CTNNA2: variants seen among roughly 807,000 people sequenced by gnomAD.
The protein encoded by CTNNA2 is catenin alpha-2.
CTNNA2 carries 42 observed loss-of-function variants against 101.0 expected under a neutral mutation model. The observed-to-expected ratio is 0.42, with a 90% CI of 0.32 to 0.54. The LOEUF (loss-of-function observed/expected upper bound fraction) is 0.54. CTNNA2 is among the 20% of genes least tolerant of loss of function. The pLI is 0.14. For synonymous variants in CTNNA2, 450 were observed against 456.4 expected, an observed-to-expected ratio of 0.99 and a Z score of 0.18; for missense variants, 871 against 1,223.1, an observed-to-expected ratio of 0.71 and a Z score of 4.29.
chr2:79,574,997 G>C (rs780581289), intron 1 of CTNNA2, among the ~76,000 whole-genome samples: 8 of 152,072 alleles, frequency 5.3e-5, no homozygotes, highest in Non-Finnish European at 1.0e-4. Context: ...ATGCTTGTTG[G>C]TTTCGTGTAT....
At chr2:79,306,045 C>CAAAAAAAA (rs60219150) in intron 2 of CTNNA2, among the ~76,000 whole-genome samples, 10 of 80,122 alleles carry the variant, frequency 1.2e-4, no homozygotes, top group African/African-American at 3.0e-4. Context: ...GACACCATTT[C>CAAAAAAAA]AAAAAAAAAA....
intron 1 of CTNNA2, among the ~76,000 whole-genome samples, chr2:79,604,797 A>T (rs968100728): frequency 2.0e-5 from 3 of 152,218 alleles, no homozygotes; most frequent in Non-Finnish European, 4.4e-5. Flanking sequence ...AGTACTGGGA[A>T]ATGATTAGCC....
chr2:79,998,294 A>T (rs1406563126), intron 7 of CTNNA2, among the ~76,000 whole-genome samples: 1 of 152,182 alleles, frequency 6.6e-6, no homozygotes, highest in African/African-American at 2.4e-5. Context: ...GTAGGGAATG[A>T]GATTTACAGT....
At chr2:79,689,341 T>C (rs933305679) in intron 2 of CTNNA2, among the ~76,000 whole-genome samples, 2 of 152,012 alleles carry the variant, frequency 1.3e-5, no homozygotes, top group Middle Eastern at 3.4e-3. Flanking sequence ...GAAAATAGAA[T>C]CTGTCACAAG....
chr2:80,609,236 C>G (rs765059012), intron 17 of CTNNA2, among the ~76,000 whole-genome samples: 3 of 151,830 alleles, frequency 2.0e-5, no homozygotes, highest in Non-Finnish European at 4.4e-5. Context: ...AGTCACAAAG[C>G]TCAGGTCTTC....
At chr2:79,728,177 A>G (rs1686977683) in intron 2 of CTNNA2, among the ~76,000 whole-genome samples, 1 of 152,164 alleles carries the variant, frequency 6.6e-6, no homozygotes, top group African/African-American at 2.4e-5. Context: ...TGGTTGAACT[A>G]GTTTACAGTC....
At chr2:80,398,233 AC>A (rs927197343) in intron 8 of CTNNA2, among the ~76,000 whole-genome samples, 20 of 152,212 alleles carry the variant, frequency 1.3e-4, no homozygotes, top group African/African-American at 4.8e-4. Flanking sequence ...TGTTTTTCTC[AC>A]ATCTGCTCAT....
intron 7 of CTNNA2, among the ~76,000 whole-genome samples, chr2:80,059,908 T>C (rs1480656715): frequency 6.6e-6 from 1 of 152,238 alleles, no homozygotes; most frequent in Non-Finnish European, 1.5e-5. Context: ...CCCACCATGA[T>C]TGATTCCTAC....
intron 7 of CTNNA2, among the ~76,000 whole-genome samples, chr2:79,942,249 A>G (rs112833862): frequency 9.1e-4 from 138 of 152,250 alleles, no homozygotes; most frequent in Middle Eastern, 3.4e-3. Flanking sequence ...CTGACTCTAG[A>G]TGGCTGGACA....
At chr2:80,197,970 C>G (rs1049593933) in intron 7 of CTNNA2, among the ~76,000 whole-genome samples, 1 of 152,186 alleles carries the variant, frequency 6.6e-6, no homozygotes, top group Non-Finnish European at 1.5e-5. Flanking sequence ...CCCACTTCCC[C>G]ATGTATCCTA....
chr2:80,209,956 A>G (rs1707782492), intron 7 of CTNNA2, among the ~76,000 whole-genome samples: 1 of 152,236 alleles, frequency 6.6e-6, no homozygotes. Context: ...ATCTTCAGTA[A>G]TCCTATTTCC....
intron 7 of CTNNA2, among the ~76,000 whole-genome samples, chr2:80,094,345 G>A (rs1242205240): frequency 6.6e-6 from 1 of 152,070 alleles, no homozygotes; most frequent in Non-Finnish European, 1.5e-5. Context: ...TGAGGGCTCT[G>A]TTCTGTTCCA....
intron 4 of CTNNA2, among the ~76,000 whole-genome samples, chr2:79,477,214 A>G (rs897991081): frequency 1.5e-5 from 2 of 137,720 alleles, no homozygotes; most frequent in African/African-American, 5.5e-5. Flanking sequence ...TCTGTTGCCC[A>G]GGCTGGAGTA....
intron 7 of CTNNA2, among the ~76,000 whole-genome samples, chr2:80,331,697 A>G (rs1671346956): frequency 6.6e-6 from 1 of 152,152 alleles, no homozygotes. Flanking sequence ...AGCAAAAACC[A>G]AAAGGGCAGG....
rs1232043798 is a variant in CTNNA2, at chr2:79,825,663, A to G, written c.299-32350A>G. 5.3e-5 allele frequency among the ~76,000 whole-genome samples: 8 copies of G among 152,270 alleles called. No homozygotes were observed. The South Asian group carries it at 1.2e-3, about 24-fold the overall frequency. Reference sequence around the variant, plus strand: ...AATATACAAAATAATGGGAAATACAAATTTGGAATTCAGAGGCAAGGTAAG... The same window carrying G: ...AATATACAAAATAATGGGAAATACAGATTTGGAATTCAGAGGCAAGGTAAG... On this transcript the variant is annotated intron_variant, in intron 3 of 18. Transcript: ENST00000402739.
At chr2:79,202,524 C>T (rs903908907) in intron 2 of CTNNA2, among the ~76,000 whole-genome samples, 1 of 151,954 alleles carries the variant, frequency 6.6e-6, no homozygotes, top group Non-Finnish European at 1.5e-5. Context: ...AGAAAGATTG[C>T]GTGAATGCAC....
chr2:80,287,184 C>T (rs1674841871), intron 7 of CTNNA2, among the ~76,000 whole-genome samples: 1 of 151,974 alleles, frequency 6.6e-6, no homozygotes, highest in Admixed American at 6.6e-5. Context: ...GATATTGTGT[C>T]ATCATGAAAA....
chr2:80,218,328 G>A (rs1036935615), intron 7 of CTNNA2, among the ~76,000 whole-genome samples: 4 of 152,228 alleles, frequency 2.6e-5, no homozygotes, highest in African/African-American at 9.6e-5. Context: ...AATCAACAAG[G>A]TGACAGCTCT....
At chr2:80,317,865 A>G (rs1678279984) in intron 7 of CTNNA2, among the ~76,000 whole-genome samples, 2 of 152,178 alleles carry the variant, frequency 1.3e-5, no homozygotes, top group South Asian at 4.1e-4. Flanking sequence ...GTGTCCAGAT[A>G]CATCACCTGC....
Sources: allele counts gnomAD v4.1 joint callset (sites outside exome capture counted in the v4.1 genomes callset), GRCh38; gene constraint gnomAD v4.1.1; transcripts MANE v1.5; gene names NCBI Gene and HGNC (gene_info 2026-07-23, HGNC 2026-07-21).